TCEA1: variants seen among roughly 807,000 people sequenced by gnomAD.
TCEA1 encodes transcription elongation factor A protein 1.
A neutral mutation model predicts 43.8 loss-of-function variants in TCEA1; 21 were observed. That is an observed-to-expected ratio of 0.48 (90% confidence interval 0.34 to 0.69). The LOEUF is 0.69. TCEA1 is among the 30% of genes least tolerant of loss of function. The pLI, the probability that TCEA1 is intolerant of heterozygous loss-of-function variation, is 0.01. For missense variants in TCEA1, 250 were observed against 365.1 expected, an observed-to-expected ratio of 0.68 and a Z score of 2.57; for synonymous variants, 104 against 117.5, an observed-to-expected ratio of 0.88 and a Z score of 0.75.
At chr8:53,993,488 A>C (rs1675118498) in intron 4 of TCEA1, 180 bp downstream of exon 4, 1 of 495,144 alleles carries the variant, frequency 2.0e-6, no homozygotes, top group Admixed American at 3.7e-5. Flanking sequence ...TCTACCTCTC[A>C]AATGTTCAAG....
intron 7 of TCEA1, among the ~76,000 whole-genome samples, chr8:53,982,123 G>A (rs1313196368): frequency 1.3e-5 from 2 of 152,068 alleles, no homozygotes; most frequent in Non-Finnish European, 2.9e-5. Flanking sequence ...TCTACAAAAA[G>A]TAATTCTTCA....
At chr8:53,978,995 A>G in intron 8 of TCEA1, 30 bp downstream of exon 8, 1 of 1,573,136 alleles carries the variant, frequency 6.4e-7, no homozygotes, top group Non-Finnish European at 8.6e-7. Flanking sequence ...ATTTTTATAT[A>G]AAAATAAGAA....
rs757434129 is a variant in TCEA1, at chr8:53,988,098, C to A, written c.466+16G>T. On this transcript the variant is annotated intron_variant, in intron 5 of 9. Coordinates refer to ENST00000521604, the MANE Select transcript of TCEA1 (RefSeq NM_006756.4). ...TGGTGACCAAAGGACTGAGAAATAA[C>A]ATGCACTGGACTTACCCCCTGTTCG... The A allele has an allele frequency of 1.3e-5, 21 of 1,607,682 alleles. No individual in the cohort carries two copies. The highest frequency in any genetic ancestry group is 4.2e-6 in the Non-Finnish European group (5 of 1,177,764).
intron 8 of TCEA1, among the ~76,000 whole-genome samples, chr8:53,978,161 G>A (rs1803388986): frequency 6.6e-6 from 1 of 152,130 alleles, no homozygotes; most frequent in African/African-American, 2.4e-5. Context: ...TACTTCGGGA[G>A]GCCAAGGTGA....
At chr8:53,985,460 G>A (rs753075224) in intron 6 of TCEA1, among the ~76,000 whole-genome samples, 4 of 152,104 alleles carry the variant, frequency 2.6e-5, no homozygotes, top group African/African-American at 2.4e-5. Context: ...GCCCAAATCC[G>A]AATTCTACTA....
At chr8:54,015,953 A>G (rs527643823) in intron 1 of TCEA1, among the ~76,000 whole-genome samples, 1 of 152,342 alleles carries the variant, frequency 6.6e-6, no homozygotes, top group South Asian at 2.1e-4. Flanking sequence ...ATCACAAGGG[A>G]CATGCAAATC....
rs58021302 is a variant in TCEA1, at chr8:54,022,276, CGCGGCG to C, written c.-157_-152del. ...GGCCCCCTTCCTTACGAACGAAGCCCGCGGCGGCGGCGGCGGCGGCGGCGGCTCCGG... is the reference window on the plus strand; with the variant it reads ...GGCCCCCTTCCTTACGAACGAAGCCCGCGGCGGCGGCGGCGGCGGCTCCGG... On this transcript the variant is annotated 5_prime_UTR_variant, in exon 1 of 10. Transcript: ENST00000521604. 262 of 883,748 alleles carry C rather than the reference CGCGGCG, an allele frequency of 3.0e-4. 1 individual carries two copies. In the East Asian group the frequency reaches 5.9e-3, roughly 20 times the overall value. The allele number at this position is 883,748 out of a possible 1,614,324, so 54.7% of individuals were successfully genotyped here. A position where few individuals can be genotyped will look rare whatever the true frequency, so the allele number is the denominator to read the frequency against.
At chr8:54,000,244 T>A (rs2129308714) in intron 2 of TCEA1, among the ~76,000 whole-genome samples, 194 bp from the exon 3 acceptor site, 1 of 152,314 alleles carries the variant, frequency 6.6e-6, no homozygotes. Context: ...TCATTAATGT[T>A]CTTATCATCA....
chr8:54,006,656 C>T lies in TCEA1; in HGVS notation c.126+3774G>A, dbSNP rs151274819. Among the ~76,000 whole-genome samples, 166 of 152,296 alleles carry T rather than the reference C, an allele frequency of 1.1e-3. 1 individual carries two copies. The highest frequency in any genetic ancestry group is 1.8e-3 in the Non-Finnish European group (122 of 68,026). On this transcript the variant is annotated intron_variant, in intron 2 of 9. Transcript: ENST00000521604. ...TGGGATTACTATGTTGTTTTCCCCACACAGGTCTGTCGGGATAAAGTTATG... is the reference window on the plus strand; with the variant it reads ...TGGGATTACTATGTTGTTTTCCCCATACAGGTCTGTCGGGATAAAGTTATG...
At chr8:53,981,927 CTTTTTTTTT>C (rs35034211) in intron 7 of TCEA1, among the ~76,000 whole-genome samples, 1 of 128,168 alleles carries the variant, frequency 7.8e-6, no homozygotes, top group Admixed American at 8.0e-5. Context: ...GCTAAGTTTT[CTTTTTTTTT>C]TTTTTTTTTG....
intron 3 of TCEA1, among the ~76,000 whole-genome samples, chr8:53,998,128 A>T (rs1032951074): frequency 2.6e-5 from 4 of 152,212 alleles, no homozygotes. Flanking sequence ...AATACACATT[A>T]ATGATGGTTA....
rs1016682591 is a variant in TCEA1 at position 53,977,245 on chromosome 8, G to A, written c.825+1780C>T. Reference sequence around the variant, plus strand: ...TGAGGCAGGAGAACGGCGTGAACCCGGGAGGCGGAGTTTGCAGTGAGCTGA... The same window carrying A: ...TGAGGCAGGAGAACGGCGTGAACCCAGGAGGCGGAGTTTGCAGTGAGCTGA... On this transcript the variant is annotated intron_variant, in intron 8 of 9. Transcript: ENST00000521604. 9.8e-5 allele frequency among the ~76,000 whole-genome samples: 15 copies of A among 152,298 alleles called. 1 individual carries two copies. Among genetic ancestry groups the A allele is most frequent in the East Asian group, 5.8e-4 (3 of 5,186 alleles).
At chr8:53,988,936 G>C (rs986134792) in intron 4 of TCEA1, among the ~76,000 whole-genome samples, 3 of 152,036 alleles carry the variant, frequency 2.0e-5, no homozygotes, top group African/African-American at 7.2e-5. Flanking sequence ...GGGCGTGGTG[G>C]CACACGCCTG....
Position 53,971,107 on chromosome 8 carries a change from T to C in TCEA1, c.826-644A>G, listed in dbSNP as rs549247557. ...GTAAAAGTATATCCATCTGATGAAA[T>C]ATTACACAGCCAGTAAGATGCTTAC... On this transcript the variant is annotated intron_variant, in intron 8 of 9. Coordinates refer to ENST00000521604, the MANE Select transcript of TCEA1 (RefSeq NM_006756.4). The C allele has an allele frequency of 2.0e-5, 3 of 152,262 alleles. No homozygotes were observed. The East Asian group carries it at 5.8e-4, about 29-fold the overall frequency. 9.4% of individuals were successfully genotyped at this position (152,262 alleles called of 1,614,324 possible).
chr8:53,993,575 G>T, intron 4 of TCEA1, 93 bp downstream of exon 4: 1 of 938,526 alleles, frequency 1.1e-6, no homozygotes. Context: ...AACAAAAAAA[G>T]GAGTGTAAAT....
chr8:54,010,399 T>TA, intron 2 of TCEA1, 31 bp downstream of exon 2: 3 of 1,554,388 alleles, frequency 1.9e-6, no homozygotes, highest in Non-Finnish European at 2.6e-6. Context: ...GACTACCTAT[T>TA]AAAAAAACTT....
intron 1 of TCEA1, among the ~76,000 whole-genome samples, chr8:54,017,152 T>C (rs1804858049): frequency 6.6e-6 from 1 of 152,092 alleles, no homozygotes; most frequent in Non-Finnish European, 1.5e-5. Context: ...AAATGAGGGC[T>C]GAATGAGGAG....
chr8:53,987,892 G>C (rs1803737699), intron 5 of TCEA1, among the ~76,000 whole-genome samples: 2 of 152,164 alleles, frequency 1.3e-5, no homozygotes, highest in Non-Finnish European at 2.9e-5. Flanking sequence ...GTATTAGAGG[G>C]AATCTATTTC....
At chr8:53,997,966 T>C (rs1804119208) in intron 3 of TCEA1, among the ~76,000 whole-genome samples, 1 of 152,234 alleles carries the variant, frequency 6.6e-6, no homozygotes, top group African/African-American at 2.4e-5. Flanking sequence ...GCCTTGAATA[T>C]ATTTCCTAGT....
Sources: allele counts gnomAD v4.1 joint callset (sites outside exome capture counted in the v4.1 genomes callset), GRCh38; gene constraint gnomAD v4.1.1; transcripts MANE v1.5; gene names NCBI Gene and HGNC (gene_info 2026-07-23, HGNC 2026-07-21).